RALGPS2: variants seen among roughly 807,000 people sequenced by gnomAD.
RALGPS2 encodes the protein Ral GEF with PH domain and SH3 binding motif 2, also known as ras-specific guanine nucleotide-releasing factor RalGPS2.
RALGPS2 carries 43 observed loss-of-function variants against 86.8 expected under a neutral mutation model. That is an observed-to-expected ratio of 0.50 (90% confidence interval 0.39 to 0.64). RALGPS2 has a LOEUF of 0.64. Ranked by LOEUF, RALGPS2 falls within the 30% of genes least tolerant of loss-of-function variation. The probability of loss-of-function intolerance (pLI) is 0.00; values close to 1 mark genes in which losing one functional copy is unlikely to be tolerated. For synonymous variants in RALGPS2, 243 were observed against 231.3 expected (o/e 1.05, Z -0.46); for missense variants, 536 against 694.6 (o/e 0.77, Z 2.57).
In RALGPS2 at chr1:178,835,392, C is replaced by CTT. The variant is rs71297889; in HGVS notation, c.607+1859_607+1860dup. The stretch of plus-strand genomic sequence containing the variant: ...AGCATTGTGATATCTTCTTTCTTTT[C>CTT]TTTTTTTTTTTTTTTTTTGCGACAG... On this transcript the variant is annotated intron_variant, in intron 8 of 19. Transcript: ENST00000367635. 5.9e-3 allele frequency among the ~76,000 whole-genome samples: 721 copies of CTT among 122,016 alleles called. 14 individuals carry two copies. Among genetic ancestry groups the CTT allele is most frequent in the African/African-American group, 0.019 (642 of 32,948 alleles). 80.0% of individuals were successfully genotyped at this position (122,016 alleles called of 152,430 possible). A position where few individuals can be genotyped will look rare whatever the true frequency, so the allele number is the denominator to read the frequency against.
intron 1 of RALGPS2, among the ~76,000 whole-genome samples, chr1:178,751,380 G>A (rs1651649288): frequency 6.6e-6 from 1 of 152,128 alleles, no homozygotes; most frequent in Non-Finnish European, 1.5e-5. Context: ...AAATACGAAG[G>A]AATTCTAGCA....
chr1:178,822,024 T>G (rs1655532915), intron 7 of RALGPS2, among the ~76,000 whole-genome samples: 1 of 152,206 alleles, frequency 6.6e-6, no homozygotes, highest in Non-Finnish European at 1.5e-5. Context: ...AAATTGCATT[T>G]AATCGTAAAG....
intron 1 of RALGPS2, chr1:178,726,135 C>T (rs1649987237): frequency 6.6e-6 from 1 of 152,296 alleles, no homozygotes; most frequent in African/African-American, 2.4e-5. Context: ...CCGAACGTAT[C>T]TCATCAAACA....
At chr1:178,901,452 G>A (rs939295818) in intron 17 of RALGPS2, among the ~76,000 whole-genome samples, 2 of 152,030 alleles carry the variant, frequency 1.3e-5, no homozygotes, top group Non-Finnish European at 2.9e-5. Context: ...TTAAGCACTA[G>A]CTTAAGCCAA....
chr1:178,734,638 C>A (rs1485097604), intron 1 of RALGPS2, among the ~76,000 whole-genome samples: 1 of 152,146 alleles, frequency 6.6e-6, no homozygotes, highest in Non-Finnish European at 1.5e-5. Flanking sequence ...GAGCAAGATG[C>A]AGAGGGATAT....
chr1:178,770,996 G>A (rs796315717), intron 1 of RALGPS2, among the ~76,000 whole-genome samples: 1 of 150,852 alleles, frequency 6.6e-6, no homozygotes, highest in African/African-American at 2.4e-5. Context: ...CGGCCACCAC[G>A]CCCAGCTAAA....
rs191422607 is a variant in RALGPS2 at position 178,858,073 on chromosome 1, G to A, written c.608-19425G>A. On this transcript the variant is annotated intron_variant, in intron 8 of 19. Coordinates refer to ENST00000367635, the MANE Select transcript of RALGPS2 (RefSeq NM_152663.5). ...GGATATCTGTTAGACTTAGGGAAAT[G>A]TAGTTGAAGTTCTTTTCCAGAACAT... 3.0e-3 allele frequency among the ~76,000 whole-genome samples: 458 copies of A among 152,284 alleles called. 1 individual carries two copies. Among genetic ancestry groups the A allele is most frequent in the African/African-American group, 0.011 (451 of 41,588 alleles).
At chr1:178,746,137 A>T (rs1259284001) in intron 1 of RALGPS2, among the ~76,000 whole-genome samples, 1 of 152,136 alleles carries the variant, frequency 6.6e-6, no homozygotes, top group African/African-American at 2.4e-5. Context: ...GAGAATTCTT[A>T]AGAGAATGAA....
intron 10 of RALGPS2, among the ~76,000 whole-genome samples, chr1:178,883,031 A>G (rs184558805): frequency 6.4e-4 from 98 of 152,350 alleles, no homozygotes; most frequent in Admixed American, 1.4e-3. Flanking sequence ...TTCATCAAAT[A>G]TCTTTAAATG....
chr1:178,797,836 G>A (rs568226325), intron 4 of RALGPS2, among the ~76,000 whole-genome samples: 1 of 151,782 alleles, frequency 6.6e-6, no homozygotes, highest in Non-Finnish European at 1.5e-5. Flanking sequence ...CACACCCATC[G>A]CATTACTCCT....
At chr1:178,812,472 C>T (rs1558130331) in intron 6 of RALGPS2, among the ~76,000 whole-genome samples, 1 of 152,150 alleles carries the variant, frequency 6.6e-6, no homozygotes, top group Non-Finnish European at 1.5e-5. Flanking sequence ...CAGAGGAAGC[C>T]TAGCTGTTCA....
At chr1:178,747,520 A>G (rs1651404916) in intron 1 of RALGPS2, 1 of 1,611,604 alleles carries the variant, frequency 6.2e-7, no homozygotes. Flanking sequence ...TCAGCATGAC[A>G]ACTGCTTTGG....
intron 7 of RALGPS2, among the ~76,000 whole-genome samples, chr1:178,827,417 C>A (rs1216725555): frequency 3.2e-5 from 4 of 125,312 alleles, no homozygotes; most frequent in African/African-American, 1.4e-4. Context: ...TTTTTTGAGA[C>A]GGAGTCTCGC....
chr1:178,814,841 A>G (rs1463503910), intron 6 of RALGPS2, among the ~76,000 whole-genome samples: 3 of 152,200 alleles, frequency 2.0e-5, no homozygotes, highest in Non-Finnish European at 4.4e-5. Context: ...CTGTTGCTCC[A>G]CATCCATGTC....
At chr1:178,823,424 A>G (rs1655601719) in intron 7 of RALGPS2, among the ~76,000 whole-genome samples, 1 of 151,918 alleles carries the variant, frequency 6.6e-6, no homozygotes, top group African/African-American at 2.4e-5. Flanking sequence ...AAATAAATAA[A>G]TGACATAAAT....
intron 1 of RALGPS2, among the ~76,000 whole-genome samples, chr1:178,766,189 T>C (rs1158261687): frequency 6.6e-6 from 1 of 152,182 alleles, no homozygotes; most frequent in East Asian, 1.9e-4. Context: ...TTTGGGGAAC[T>C]AATAAATGTC....
At chr1:178,736,607 A>G (rs970876656) in intron 1 of RALGPS2, among the ~76,000 whole-genome samples, 3 of 152,072 alleles carry the variant, frequency 2.0e-5, no homozygotes, top group Non-Finnish European at 4.4e-5. Context: ...TATACAAAAA[A>G]GTGTATAGAG....
intron 6 of RALGPS2, among the ~76,000 whole-genome samples, chr1:178,815,069 T>A (rs930831622): frequency 2.6e-5 from 4 of 151,594 alleles, no homozygotes; most frequent in Admixed American, 6.6e-5. Flanking sequence ...TTGGTTTTTT[T>A]GTTTGTTTGT....
At position 178,853,461 on chromosome 1, in the gene RALGPS2, A is replaced by T. The variant is rs1373840504; in HGVS notation, c.607+19911A>T. Reference sequence around the variant, plus strand: ...GAGATGAGAATCATTTTTTTGACAGATGTAGATAATGAAAAAACATATGGA... The same window carrying T: ...GAGATGAGAATCATTTTTTTGACAGTTGTAGATAATGAAAAAACATATGGA... On this transcript the variant is annotated intron_variant, in intron 8 of 19. Transcript: ENST00000367635. 4 of 816,318 alleles carry T rather than the reference A, an allele frequency of 4.9e-6. No homozygotes were observed. The African/African-American group carries it at 7.2e-5, about 15-fold the overall frequency. 50.6% of individuals were successfully genotyped at this position (816,318 alleles called of 1,614,324 possible). A position where few individuals can be genotyped will look rare whatever the true frequency, so the allele number is the denominator to read the frequency against.
Sources: gnomAD v4.1 joint callset for allele counts (sites outside exome capture counted in the v4.1 genomes callset) on GRCh38, gnomAD v4.1.1 for gene constraint, MANE v1.5 for transcripts, NCBI Gene and HGNC (gene_info 2026-07-23, HGNC 2026-07-21) for gene names.